DDX47: variants seen among roughly 807,000 people sequenced by gnomAD.
DDX47 encodes the protein probable ATP-dependent RNA helicase DDX47.
In DDX47, 60 loss-of-function variants were observed where a neutral mutation model predicts 58.8. The observed-to-expected ratio is 1.02, with a 90% CI of 0.83 to 1.26. DDX47 has a LOEUF of 1.26. DDX47 is among the 50% of genes most tolerant of loss of function. The pLI is 0.00. For missense variants in DDX47, 530 were observed against 573.2 expected, an observed-to-expected ratio of 0.92 and a Z score of 0.77; for synonymous variants, 197 against 204.6, an observed-to-expected ratio of 0.96 and a Z score of 0.32.
In DDX47 at chr12:12,822,685, C is replaced by G; in HGVS notation, c.586C>G (p.Pro196Ala). ...TEVDKILKVI[P>A]RDRKTFLFSA... is the part of the protein sequence containing the mutation. The stretch of plus-strand genomic sequence containing the variant: ...GGTTGACAAGATCCTCAAAGTGATT[C>G]CTCGAGATCGGAAAACATTCCTCTT... Residue 196 changes from proline to alanine, a missense_variant, in exon 6 of 12, where the codon CCT becomes GCT. Physicochemically the swap from Pro to Ala is conservative, Grantham distance 27. Transcript: ENST00000358007. The G allele has an allele frequency of 6.2e-7, 1 of 1,614,024 alleles. No homozygotes were observed. The highest frequency in any genetic ancestry group is 8.5e-7 in the Non-Finnish European group (1 of 1,179,948).
intron 10 of DDX47, 41 bp from the exon 11 acceptor site, chr12:12,827,205 C>T (rs758831840): frequency 1.1e-5 from 17 of 1,601,380 alleles, no homozygotes; most frequent in Middle Eastern, 3.3e-4. Flanking sequence ...CAGGCATTTG[C>T]GTTACCAGGC....
At chr12:12,816,333 A>G (rs1048144719) in intron 2 of DDX47, among the ~76,000 whole-genome samples, 3 of 152,204 alleles carry the variant, frequency 2.0e-5, no homozygotes, top group African/African-American at 7.2e-5. Flanking sequence ...GAAAATTGCT[A>G]GGAGAGTGGA....
rs563564133 is a variant in DDX47 at position 12,813,725 on chromosome 12, A to G, written c.87+271A>G. Among the ~76,000 whole-genome samples, 6 of 152,306 alleles carry G rather than the reference A, an allele frequency of 3.9e-5. No individual in the cohort carries two copies. In the East Asian group the frequency reaches 9.7e-4, roughly 25 times the overall value. On this transcript the variant is annotated intron_variant, in intron 1 of 11. Coordinates refer to ENST00000358007, the MANE Select transcript of DDX47 (RefSeq NM_016355.4). ...ATCCAGGAGGTTGTACATATGGGGAATGGAATTGGTCTCTTTATAACTGGA... is the reference window on the plus strand; with the variant it reads ...ATCCAGGAGGTTGTACATATGGGGAGTGGAATTGGTCTCTTTATAACTGGA...
intron 2 of DDX47, among the ~76,000 whole-genome samples, chr12:12,819,343 A>G (rs1291084834): frequency 6.7e-6 from 1 of 148,964 alleles, no homozygotes; most frequent in African/African-American, 2.5e-5. Context: ...AGAATCATCT[A>G]TGGAGCTTTT....
chr12:12,828,760 A>G (rs73285377), intron 11 of DDX47, among the ~76,000 whole-genome samples: 19,309 of 152,262 alleles, frequency 0.13, 1,285 homozygotes, highest in African/African-American at 0.17. Context: ...CATTCCCCAC[A>G]GAAAACCATT....
At chr12:12,820,098 C>G (rs1862946963) in intron 2 of DDX47, among the ~76,000 whole-genome samples, 2 of 152,226 alleles carry the variant, frequency 1.3e-5, no homozygotes, top group Non-Finnish European at 2.9e-5. Flanking sequence ...AGCATTCTCA[C>G]TGGCCACTGT....
chr12:12,816,844 C>G (rs1862904083), intron 2 of DDX47, among the ~76,000 whole-genome samples: 1 of 152,184 alleles, frequency 6.6e-6, no homozygotes, highest in South Asian at 2.1e-4. Context: ...AGCGTTCATG[C>G]ATTTTAACTT....
At chr12:12,823,826 C>T (rs372259720) in intron 7 of DDX47, 44 bp from the exon 8 acceptor site, 143 of 1,590,696 alleles carry the variant, frequency 9.0e-5, no homozygotes, top group African/African-American at 5.2e-4. Flanking sequence ...CCAATCCTGT[C>T]TCCCAGGTTC....
chr12:12,825,746 C>T (rs908532793), intron 9 of DDX47, among the ~76,000 whole-genome samples: 5 of 152,184 alleles, frequency 3.3e-5, no homozygotes, highest in Admixed American at 6.5e-5. Flanking sequence ...ATGCAGCCTG[C>T]GACCATGTAG....
At position 12,823,326 on chromosome 12, in the gene DDX47, TG is replaced by T; in HGVS notation, c.750+8del. On this transcript the variant is annotated splice_region_variant and intron_variant, in intron 7 of 11. Coordinates refer to ENST00000358007, the MANE Select transcript of DDX47 (RefSeq NM_016355.4). ...TATTCCCTCTAAATTCAAGGTAAAA[TG>T]TTTACTTTGATCATTCCTGCCTCTC... 2.0e-6 allele frequency: 3 copies of T among 1,466,452 alleles called. No homozygotes were observed. Among genetic ancestry groups the T allele is most frequent in the Non-Finnish European group, 2.9e-6 (3 of 1,045,720 alleles). The allele number at this position is 1,466,452 out of a possible 1,614,324, so 90.8% of individuals were successfully genotyped here. A position where few individuals can be genotyped will look rare whatever the true frequency, so the allele number is the denominator to read the frequency against.
chr12:12,813,409 C>A lies in DDX47; in HGVS notation c.42C>A (p.Ser14=). ...PEEHDSPTEA[S]QPIVEEEETK... ...AACACGATTCTCCGACCGAAGCGTC[C>A]CAGCCGATTGTGGAAGAGGAGGAAA... Residue 14 remains serine, a synonymous_variant, in exon 1 of 12, where the codon TCC becomes TCA. Coordinates refer to ENST00000358007, the MANE Select transcript of DDX47 (RefSeq NM_016355.4). 6.2e-7 allele frequency: 1 copy of A among 1,613,546 alleles called. No homozygotes were observed. Among genetic ancestry groups the A allele is most frequent in the Middle Eastern group, 1.6e-4 (1 of 6,062 alleles).
rs900503029 is a variant in DDX47 at position 12,823,720 on chromosome 12, A to G, written c.751-150A>G. ...GGAATATGTGGTTCACAGAGATGAT[A>G]ATGCTGGTTAAGGAATGCAAAGCTG... is the stretch of plus-strand genomic sequence containing the variant. On this transcript the variant is annotated intron_variant, in intron 7 of 11. Transcript: ENST00000358007. 5.5e-5 allele frequency: 40 copies of G among 728,996 alleles called. No individual in the cohort carries two copies. In the African/African-American group the frequency reaches 6.2e-4, roughly 11 times the overall value. The allele number at this position is 728,996 out of a possible 1,614,324, so 45.2% of individuals were successfully genotyped here.
chr12:12,820,821 G>C (rs1199440828), intron 2 of DDX47: 5 of 254,570 alleles, frequency 2.0e-5, no homozygotes, highest in Admixed American at 1.0e-4. Flanking sequence ...GTTCTCTAAA[G>C]CCTTAATTCT....
intron 4 of DDX47, 44 bp from the exon 5 acceptor site, chr12:12,821,921 C>G: frequency 7.7e-7 from 1 of 1,303,530 alleles, no homozygotes. Flanking sequence ...TTTTTTTTGT[C>G]CTGTTCTGAA....
rs1019827238 is a variant in DDX47, at chr12:12,814,367, G to A, written c.181+143G>A. 1.2e-4 allele frequency: 72 copies of A among 625,750 alleles called. 2 individuals carry two copies. In the Middle Eastern group the frequency reaches 1.3e-3, roughly 11 times the overall value. 38.8% of individuals were successfully genotyped at this position (625,750 alleles called of 1,614,324 possible). A position where few individuals can be genotyped will look rare whatever the true frequency, so the allele number is the denominator to read the frequency against. The stretch of plus-strand genomic sequence containing the variant: ...AGTTTGGGTAATGGTATTTGAAAAT[G>A]TCATTCTCCAATTTTACTGAGCTTA... On this transcript the variant is annotated intron_variant, in intron 2 of 11. Coordinates refer to ENST00000358007, the MANE Select transcript of DDX47 (RefSeq NM_016355.4).
chr12:12,824,306 T>C (rs73285364), intron 8 of DDX47: 63,664 of 558,586 alleles, frequency 0.11, 3,965 homozygotes, highest in African/African-American at 0.17. Flanking sequence ...ATTAATAAAT[T>C]ATTTCCCAGT....
chr12:12,824,215 C>A, intron 8 of DDX47, 199 bp downstream of exon 8: 1 of 661,390 alleles, frequency 1.5e-6, no homozygotes. Context: ...TAGAATATTT[C>A]ATATGTACCT....
chr12:12,824,250 G>T, intron 8 of DDX47: 1 of 584,996 alleles, frequency 1.7e-6, no homozygotes, highest in Non-Finnish European at 2.8e-6. Flanking sequence ...CTGTTGAGTT[G>T]ATTTATTCAG....
chr12:12,814,229 G>A lies in DDX47; in HGVS notation c.181+5G>A, dbSNP rs367590800. 11 of 1,571,468 alleles carry A rather than the reference G, an allele frequency of 7.0e-6. No individual in the cohort carries two copies. The African/African-American group carries it at 1.1e-4, about 15-fold the overall frequency. On this transcript the variant is annotated splice_donor_5th_base_variant and intron_variant, in intron 2 of 11. Transcript: ENST00000358007. Reference sequence around the variant, plus strand: ...CTATTCCTTTGGCCTTACAAGGTAGGTTGTATGACTTCGTACAGATTTAAT... The same window carrying A: ...CTATTCCTTTGGCCTTACAAGGTAGATTGTATGACTTCGTACAGATTTAAT...
Sources: gnomAD v4.1 joint callset for allele counts (sites outside exome capture counted in the v4.1 genomes callset) on GRCh38, gnomAD v4.1.1 for gene constraint, MANE v1.5 for transcripts, NCBI Gene and HGNC (gene_info 2026-07-23, HGNC 2026-07-21) for gene names.